PDE11A: variants seen among roughly 807,000 people sequenced by gnomAD.
PDE11A encodes the protein phosphodiesterase 11A.
In PDE11A, 100 loss-of-function variants were observed where a neutral mutation model predicts 100.5. The ratio of observed to expected loss-of-function variants is 1.00; its 90% CI spans 0.85 to 1.18. The LOEUF is 1.18. Ranked by LOEUF, PDE11A falls within the 50% of genes most tolerant of loss-of-function variation. PDE11A has a pLI of 0.00. For missense variants in PDE11A, 1,141 were observed against 1,152.6 expected (o/e 0.99, Z 0.15); for synonymous variants, 381 against 420.8 (o/e 0.91, Z 1.16).
intron 1 of PDE11A, among the ~76,000 whole-genome samples, chr2:178,066,330 G>C (rs1027625668): frequency 6.6e-6 from 1 of 152,180 alleles, no homozygotes; most frequent in Non-Finnish European, 1.5e-5. Flanking sequence ...CATGTGACCA[G>C]TGCAGTGGCA....
intron 2 of PDE11A, among the ~76,000 whole-genome samples, chr2:177,932,171 A>G (rs1488292036): frequency 6.6e-6 from 1 of 152,128 alleles, no homozygotes; most frequent in Non-Finnish European, 1.5e-5. Flanking sequence ...TCAGTAATAA[A>G]AATCCTACCA....
intron 19 of PDE11A, among the ~76,000 whole-genome samples, chr2:177,648,165 C>T (rs1045984979): frequency 2.6e-5 from 4 of 152,058 alleles, no homozygotes; most frequent in Non-Finnish European, 2.9e-5. Flanking sequence ...GAATATGTTA[C>T]ATATACCACT....
At chr2:178,009,721 C>G (rs1377912028) in intron 2 of PDE11A, among the ~76,000 whole-genome samples, 1 of 152,174 alleles carries the variant, frequency 6.6e-6, no homozygotes, top group Non-Finnish European at 1.5e-5. Context: ...TTTCAAGAAA[C>G]ACAATATAGT....
At chr2:178,066,375 G>A (rs1410363472) in intron 1 of PDE11A, among the ~76,000 whole-genome samples, 1 of 152,176 alleles carries the variant, frequency 6.6e-6, no homozygotes, top group South Asian at 2.1e-4. Context: ...ATGCTATGCT[G>A]TGCGAGATTC....
At chr2:177,714,599 C>T (rs62183003) in intron 12 of PDE11A, among the ~76,000 whole-genome samples, 20,548 of 152,124 alleles carry the variant, frequency 0.14, 1,427 homozygotes, top group Non-Finnish European at 0.15. Context: ...CGTCTAGCAG[C>T]GGGTGAGTTT....
chr2:177,672,146 A>G (rs951761066), intron 17 of PDE11A, among the ~76,000 whole-genome samples: 1 of 152,092 alleles, frequency 6.6e-6, no homozygotes, highest in Non-Finnish European at 1.5e-5. Flanking sequence ...GCCTTCCCAC[A>G]TGGGAAAGGG....
At chr2:178,031,626 A>G (rs1481937545) in intron 1 of PDE11A, among the ~76,000 whole-genome samples, 6 of 152,184 alleles carry the variant, frequency 3.9e-5, no homozygotes, top group Non-Finnish European at 8.8e-5. Flanking sequence ...TTTTATAGTG[A>G]AAACTAAAAA....
At chr2:177,700,117 T>A (rs2081174829) in intron 14 of PDE11A, among the ~76,000 whole-genome samples, 1 of 152,124 alleles carries the variant, frequency 6.6e-6, no homozygotes, top group South Asian at 2.1e-4. Flanking sequence ...AGAGCCTAAC[T>A]CTTGGTGTTT....
At chr2:178,019,346 T>A (rs1405022661) in intron 1 of PDE11A, among the ~76,000 whole-genome samples, 1 of 152,208 alleles carries the variant, frequency 6.6e-6, no homozygotes, top group South Asian at 2.1e-4. Flanking sequence ...ACATTCTAAA[T>A]GAAAACTTAA....
intron 2 of PDE11A, among the ~76,000 whole-genome samples, chr2:178,078,271 T>C (rs568241136): frequency 6.6e-6 from 1 of 152,282 alleles, no homozygotes; most frequent in African/African-American, 2.4e-5. Flanking sequence ...AAAGCTGTGC[T>C]GTGTCCTATG....
chr2:177,904,206 G>T (rs1574266483), intron 3 of PDE11A, among the ~76,000 whole-genome samples: 1 of 152,184 alleles, frequency 6.6e-6, no homozygotes, highest in Non-Finnish European at 1.5e-5. Flanking sequence ...CATTTTTTGA[G>T]TACTAGACTT....
intron 4 of PDE11A, among the ~76,000 whole-genome samples, chr2:177,884,314 G>A (rs888087849): frequency 6.6e-6 from 1 of 152,098 alleles, no homozygotes; most frequent in African/African-American, 2.4e-5. Flanking sequence ...CTCCTGTAAG[G>A]CTCATGAATG....
At chr2:177,780,486 G>C (rs2082439326) in intron 9 of PDE11A, among the ~76,000 whole-genome samples, 1 of 152,170 alleles carries the variant, frequency 6.6e-6, no homozygotes, top group South Asian at 2.1e-4. Flanking sequence ...CCCCTAACAA[G>C]AGAGTCAGCC....
At chr2:178,004,200 C>T (rs897273083) in intron 2 of PDE11A, among the ~76,000 whole-genome samples, 9 of 151,592 alleles carry the variant, frequency 5.9e-5, no homozygotes, top group Admixed American at 2.0e-4. Flanking sequence ...CTAATTTTTC[C>T]TTTTTTTGTA....
At chr2:177,726,894 T>A (rs886983567) in intron 12 of PDE11A, among the ~76,000 whole-genome samples, 1 of 152,042 alleles carries the variant, frequency 6.6e-6, no homozygotes, top group Non-Finnish European at 1.5e-5. Flanking sequence ...TATATAACTA[T>A]GAAGCCAAAG....
chr2:177,775,655 A>C (rs1334171846), intron 9 of PDE11A, among the ~76,000 whole-genome samples: 1 of 152,030 alleles, frequency 6.6e-6, no homozygotes, highest in Non-Finnish European at 1.5e-5. Flanking sequence ...ATTTTTGTTC[A>C]TTTTTGTTCA....
chr2:177,669,719 G>A, intron 17 of PDE11A, 152 bp from the exon 18 acceptor site: 1 of 630,380 alleles, frequency 1.6e-6, no homozygotes, highest in Non-Finnish European at 2.8e-6. Context: ...CATGTTTGAA[G>A]GTGTTATAGA....
chr2:177,745,798 C>T (rs1373370303), intron 10 of PDE11A, among the ~76,000 whole-genome samples: 3 of 152,202 alleles, frequency 2.0e-5, no homozygotes, highest in South Asian at 2.1e-4. Context: ...ATATCTTGCC[C>T]ACTACAGCTT....
At chr2:178,032,948 CA>C (rs1234357816) in intron 1 of PDE11A, among the ~76,000 whole-genome samples, 1 of 152,130 alleles carries the variant, frequency 6.6e-6, no homozygotes, top group African/African-American at 2.4e-5. Context: ...AAAAACAGTG[CA>C]AAAAAACAAC....
Sources: gnomAD v4.1 joint callset for allele counts (sites outside exome capture counted in the v4.1 genomes callset) on GRCh38, gnomAD v4.1.1 for gene constraint, MANE v1.5 for transcripts, NCBI Gene and HGNC (gene_info 2026-07-23, HGNC 2026-07-21) for gene names.